SLC4A2: variants seen among roughly 807,000 people sequenced by gnomAD.
SLC4A2 encodes solute carrier family 4 member 2.
In SLC4A2, 36 loss-of-function variants were observed where a neutral mutation model predicts 115.0. The observed-to-expected ratio is 0.31, with a 90% CI of 0.24 to 0.41. The LOEUF (loss-of-function observed/expected upper bound fraction) is 0.41. Among genes scored for constraint, SLC4A2 ranks in the 10% least tolerant of loss-of-function variants. The pLI is 1.00. For missense variants in SLC4A2, 1,252 were observed against 1,705.6 expected, an observed-to-expected ratio of 0.73 and a Z score of 4.68; for synonymous variants, 708 against 708.3, an observed-to-expected ratio of 1.00 and a Z score of 0.01.
At position 151,074,124 on chromosome 7, in the gene SLC4A2, C is replaced by A. The variant is rs750179564; in HGVS notation, c.2621C>A (p.Ala874Glu). The A allele has an allele frequency of 5.0e-6, 8 of 1,612,236 alleles. No individual in the cohort carries two copies. In the Admixed American group the frequency reaches 6.7e-5, roughly 13 times the overall value. The change falls in exon 17 of 23, where the codon GCA becomes GAA. Residue 874 changes from alanine (A) to glutamate (E), a missense_variant. Ala to Glu is a moderately radical substitution (Grantham distance 107). This residue lies in a region of SLC4A2 where 55 missense variants were observed against 48.6 expected (regional missense o/e 1.13). Transcript: ENST00000413384. ...DGGENMTWAGARPTLGPGNRS... is the reference protein window; with the variant it reads ...DGGENMTWAGERPTLGPGNRS... ...GGTGAGAACATGACATGGGCCGGGG[C>A]AAGACCCACGCTGGGGCCGGGCAAC...
Position 151,070,462 on chromosome 7 carries a change from G to C in SLC4A2, c.1455G>C (p.Glu485Asp). The C allele has an allele frequency of 1.2e-6, 2 of 1,612,218 alleles. No individual in the cohort carries two copies. The highest frequency in any genetic ancestry group is 1.7e-6 in the Non-Finnish European group (2 of 1,179,342). ...GCCCTGTCTGTGTCCCCCAGCGTGA[G>C]CTGCCGCCTCCAGCACCACCAGCTG... ...ETRLEVERER[E>D]LPPPAPPAGI... The change falls in exon 11 of 23, where the codon GAG (glutamate) becomes GAC (aspartate). Residue 485 changes from glutamate to aspartate, a missense_variant. This residue lies in a region of SLC4A2 where 142 missense variants were observed against 153.5 expected (regional missense o/e 0.93). Coordinates refer to ENST00000413384, the MANE Select transcript of SLC4A2 (RefSeq NM_003040.4).
At chr7:151,074,516 G>A (rs1797549988) in intron 18 of SLC4A2, 28 bp downstream of exon 18, 1 of 1,608,752 alleles carries the variant, frequency 6.2e-7, no homozygotes, top group Admixed American at 1.7e-5. Flanking sequence ...GCAGGCAAGT[G>A]CTGCTGCCTC....
rs1374702799 is a variant in SLC4A2 at position 151,075,650 on chromosome 7, G to A, written c.3346G>A (p.Ala1116Thr). ...IGDLLRQIPLAVLFGIFLYMG... is the reference protein window; with the variant it reads ...IGDLLRQIPLTVLFGIFLYMG... ...GGATCTGCTCCGGCAGATCCCCCTG[G>A]CCGTGCTCTTTGGAATTTTCCTGTA... Residue 1116 changes from alanine to threonine, a missense_variant, in exon 21 of 23, where the codon GCC becomes ACC. This residue lies in a region of SLC4A2 where 253 missense variants were observed against 407.4 expected (regional missense o/e 0.62). Coordinates refer to ENST00000413384, the MANE Select transcript of SLC4A2 (RefSeq NM_003040.4). The A allele has an allele frequency of 6.2e-7, 1 of 1,606,266 alleles. No individual in the cohort carries two copies. The highest frequency in any genetic ancestry group is 1.7e-5 in the Admixed American group (1 of 59,964).
rs1797378206 is a variant in SLC4A2, at chr7:151,070,070, T to G, written c.1271T>G (p.Leu424Arg). 6.2e-7 allele frequency: 1 copy of G among 1,613,940 alleles called. No individual in the cohort carries two copies. Residue 424 changes from leucine (L) to arginine (R), a missense_variant, in exon 9 of 23, where the codon CTG becomes CGG. Leu to Arg is a moderately radical substitution (Grantham distance 102, BLOSUM62 -2). Transcript: ENST00000413384. Reference protein sequence around the residue: ...EDRANVLRALLLKHSHPSDEK... With the variant: ...EDRANVLRALRLKHSHPSDEK... ...AGGGCCAACGTGCTGCGGGCTCTGC[T>G]GTTGAAACACAGGTGAGGCCCTGTG...
At position 151,067,004 on chromosome 7, in the gene SLC4A2, C is replaced by A. The variant is rs1414504291; in HGVS notation, c.966+11C>A. 2.5e-6 allele frequency: 4 copies of A among 1,570,134 alleles called. No individual in the cohort carries two copies. The East Asian group carries it at 9.0e-5, about 35-fold the overall frequency. Reference sequence around the variant, plus strand: ...CACAAGCCCCATGAGGTACCATGCTCTGCTTCATGCTCTTCCATCAACTTC... The same window carrying A: ...CACAAGCCCCATGAGGTACCATGCTATGCTTCATGCTCTTCCATCAACTTC... On this transcript the variant is annotated intron_variant, in intron 7 of 22. Coordinates refer to ENST00000413384, the MANE Select transcript of SLC4A2 (RefSeq NM_003040.4).
In SLC4A2 at chr7:151,076,446, C is replaced by T. The variant is rs1017846417; in HGVS notation, c.*79C>T. ...ATGGGGTTCCCCCTCCCATGCCCCT[C>T]CCTCCTTTTTATTTAAGTGAATAAT... is the stretch of plus-strand genomic sequence containing the variant. On this transcript the variant is annotated 3_prime_UTR_variant, in exon 23 of 23. Coordinates refer to ENST00000413384, the MANE Select transcript of SLC4A2 (RefSeq NM_003040.4). 6 of 1,120,056 alleles carry T rather than the reference C, an allele frequency of 5.4e-6. No individual in the cohort carries two copies. Among genetic ancestry groups the T allele is most frequent in the African/African-American group, 3.2e-5 (2 of 62,584 alleles). The allele number at this position is 1,120,056 out of a possible 1,614,324, so 69.4% of individuals were successfully genotyped here. A position where few individuals can be genotyped will look rare whatever the true frequency, so the allele number is the denominator to read the frequency against.
intron 2 of SLC4A2, chr7:151,062,607 T>C (rs1245312902): frequency 4.7e-6 from 7 of 1,504,832 alleles, no homozygotes; most frequent in East Asian, 5.2e-5. Flanking sequence ...GCTGGTCCCC[T>C]CCCCCTCCTT....
In SLC4A2 at chr7:151,074,496, G is replaced by A. The variant is rs898332071; in HGVS notation, c.2880+8G>A. ...GAGGACACCTATACCCAGGTAAGGT[G>A]CTGCCCACAGCAGGCAAGTGCTGCT... On this transcript the variant is annotated splice_region_variant and intron_variant, in intron 18 of 22. Coordinates refer to ENST00000413384, the MANE Select transcript of SLC4A2 (RefSeq NM_003040.4). 1 of 1,613,496 alleles carries A rather than the reference G, an allele frequency of 6.2e-7. No individual in the cohort carries two copies. Among genetic ancestry groups the A allele is most frequent in the African/African-American group, 1.3e-5 (1 of 75,020 alleles).
intron 2 of SLC4A2, among the ~76,000 whole-genome samples, 157 bp downstream of exon 2, chr7:151,062,195 TA>T (rs557294138): frequency 6.6e-6 from 1 of 151,982 alleles, no homozygotes; most frequent in South Asian, 2.1e-4. Context: ...ATGATGGTCG[TA>T]GGGGGGGATG....
At chr7:151,066,232 C>T (rs1260690093) in intron 5 of SLC4A2, among the ~76,000 whole-genome samples, 3 of 152,242 alleles carry the variant, frequency 2.0e-5, no homozygotes, top group Non-Finnish European at 2.9e-5. Context: ...AGGCTGGTCT[C>T]AGCCCTGGCT....
chr7:151,066,201 C>T (rs1797223042), intron 5 of SLC4A2, among the ~76,000 whole-genome samples: 1 of 152,224 alleles, frequency 6.6e-6, no homozygotes, highest in East Asian at 1.9e-4. Context: ...TCCAAAATCT[C>T]ACCCCTCATG....
intron 12 of SLC4A2, 26 bp downstream of exon 12, chr7:151,070,937 C>CA: frequency 6.2e-7 from 1 of 1,608,536 alleles, no homozygotes; most frequent in Non-Finnish European, 8.5e-7. Flanking sequence ...CCTCTGGGCC[C>CA]TGCTTCCTGG....
At chr7:151,067,568 A>G (rs1030289689) in intron 7 of SLC4A2, among the ~76,000 whole-genome samples, 1 of 152,232 alleles carries the variant, frequency 6.6e-6, no homozygotes, top group South Asian at 2.1e-4. Context: ...TTTCATATAC[A>G]GTGGCCATTT....
intron 8 of SLC4A2, among the ~76,000 whole-genome samples, chr7:151,068,766 C>T (rs1403638078): frequency 2.0e-5 from 3 of 151,846 alleles, no homozygotes; most frequent in South Asian, 2.1e-4. Flanking sequence ...GTGATTTACC[C>T]GCCTCAGCCT....
At position 151,074,392 on chromosome 7, in the gene SLC4A2, C is replaced by T. The variant is rs772199878; in HGVS notation, c.2791-7C>T. On this transcript the variant is annotated splice_polypyrimidine_tract_variant and splice_region_variant and intron_variant, in intron 17 of 22. Coordinates refer to ENST00000413384, the MANE Select transcript of SLC4A2 (RefSeq NM_003040.4). ...CAGGACTCTGAGCGCTGTGCCTGCC[C>T]ACTCAGATCCGGCGGGTGATTGGGG... The T allele has an allele frequency of 3.1e-6, 5 of 1,613,690 alleles. No individual in the cohort carries two copies. Among genetic ancestry groups the T allele is most frequent in the Non-Finnish European group, 3.4e-6 (4 of 1,180,006 alleles).
Position 151,061,879 on chromosome 7 carries a change from G to T in SLC4A2, c.-63-46G>T, listed in dbSNP as rs535718860. ...GCGCAGCCTGCGCGTGGTGGCTCCT[G>T]CCCTCCCAGGGCTCTCGATGGTGAT... On this transcript the variant is annotated intron_variant, in intron 1 of 22. Coordinates refer to ENST00000413384, the MANE Select transcript of SLC4A2 (RefSeq NM_003040.4). The T allele has an allele frequency of 1.5e-5, 16 of 1,040,292 alleles. 1 individual carries two copies. In the South Asian group the frequency reaches 2.0e-4, roughly 13 times the overall value. The allele number at this position is 1,040,292 out of a possible 1,614,324, so 64.4% of individuals were successfully genotyped here. A position where few individuals can be genotyped will look rare whatever the true frequency, so the allele number is the denominator to read the frequency against.
Position 151,064,376 on chromosome 7 carries a change from G to A in SLC4A2, c.217+9G>A, listed in dbSNP as rs767266920. On this transcript the variant is annotated intron_variant, in intron 3 of 22. Coordinates refer to ENST00000413384, the MANE Select transcript of SLC4A2 (RefSeq NM_003040.4). Reference sequence around the variant, plus strand: ...GGAGGAAGACTTTGAGTGTGAGGGGGCAGGCAGGGGAGGGGGAGGTGGGGG... The same window carrying A: ...GGAGGAAGACTTTGAGTGTGAGGGGACAGGCAGGGGAGGGGGAGGTGGGGG... The A allele has an allele frequency of 2.3e-6, 3 of 1,284,126 alleles. No homozygotes were observed. Among genetic ancestry groups the A allele is most frequent in the Middle Eastern group, 2.6e-4 (1 of 3,820 alleles). 79.5% of individuals were successfully genotyped at this position (1,284,126 alleles called of 1,614,324 possible). A position where few individuals can be genotyped will look rare whatever the true frequency, so the allele number is the denominator to read the frequency against.
rs919966878 is a variant in SLC4A2 at position 151,059,710 on chromosome 7, G to T, written c.-116G>T. The T allele has an allele frequency of 2.0e-5, 3 of 151,626 alleles. No homozygotes were observed. Among genetic ancestry groups the T allele is most frequent in the South Asian group, 2.1e-4 (1 of 4,824 alleles). 9.4% of individuals were successfully genotyped at this position (151,626 alleles called of 1,614,324 possible). A position where few individuals can be genotyped will look rare whatever the true frequency, so the allele number is the denominator to read the frequency against. On this transcript the variant is annotated 5_prime_UTR_variant, in exon 1 of 23. Coordinates refer to ENST00000413384, the MANE Select transcript of SLC4A2 (RefSeq NM_003040.4). The surrounding 1 kb of genome is among the most constrained non-coding windows in gnomAD (Gnocchi z 5.8). ...TCGTCGGGAGCGCGCGAGTGCGCCG[G>T]AGGACGGGGAGAGACCCCGAGACCC...
At position 151,064,807 on chromosome 7, in the gene SLC4A2, C is replaced by T. The variant is rs754439868; in HGVS notation, c.459+40C>T. 3.6e-5 allele frequency: 58 copies of T among 1,612,786 alleles called. No homozygotes were observed. In the Admixed American group the frequency reaches 3.7e-4, roughly 10 times the overall value. ...GGCTCCTAGGGCATGTCGGCAGGGC[C>T]CTGGCCTGGTCACTCCTGCCCATGT... On this transcript the variant is annotated intron_variant, in intron 4 of 22. Transcript: ENST00000413384.
Sources: gnomAD v4.1 joint callset for allele counts (sites outside exome capture counted in the v4.1 genomes callset) on GRCh38, gnomAD v4.1.1 for gene constraint, gnomAD v4.1.1 regional missense constraint, Gnocchi (gnomAD v3.1) non-coding constraint, MANE v1.5 for transcripts, NCBI Gene and HGNC (gene_info 2026-07-23, HGNC 2026-07-21) for gene names.